NME7: variants seen among roughly 807,000 people sequenced by gnomAD.
NME7 encodes nucleoside diphosphate kinase 7.
In NME7, 41 loss-of-function variants were observed where a neutral mutation model predicts 49.1. The ratio of observed to expected loss-of-function variants is 0.83; its 90% CI spans 0.65 to 1.08. NME7 has a LOEUF of 1.08. NME7 is among the 50% of genes least tolerant of loss of function. The probability of loss-of-function intolerance (pLI) is 0.00; values close to 1 mark genes in which losing one functional copy is unlikely to be tolerated. For synonymous variants in NME7, 139 were observed against 150.6 expected, an observed-to-expected ratio of 0.92 and a Z score of 0.56; for missense variants, 423 against 463.4, an observed-to-expected ratio of 0.91 and a Z score of 0.80.
intron 10 of NME7, among the ~76,000 whole-genome samples, chr1:169,206,102 C>T (rs1204814160): frequency 2.0e-5 from 3 of 151,990 alleles, no homozygotes; most frequent in Non-Finnish European, 2.9e-5. Flanking sequence ...ACCCTATTTC[C>T]CTCCCCTGCT....
In NME7 at chr1:169,340,129, C is replaced by T. The variant is rs143884459; in HGVS notation, c.4-15629G>A. Among the ~76,000 whole-genome samples the T allele has an allele frequency of 4.9e-3, 742 of 152,320 alleles. 3 individuals carry two copies. Among genetic ancestry groups the T allele is most frequent in the Non-Finnish European group, 7.7e-3 (527 of 68,042 alleles). On this transcript the variant is annotated intron_variant, in intron 1 of 11. Transcript: ENST00000367811. ...CCATTTGAGTATTGACATGGTTTGG[C>T]TCTGGGTCCCCAGCCAAATCTCCTC...
intron 10 of NME7, among the ~76,000 whole-genome samples, chr1:169,183,654 T>C (rs1659988520): frequency 6.6e-6 from 1 of 151,928 alleles, no homozygotes; most frequent in South Asian, 2.1e-4. Context: ...ACAAAAAAAT[T>C]AGCCGGGCAT....
chr1:169,272,680 A>G lies in NME7; in HGVS notation c.754+14623T>C. On this transcript the variant is annotated intron_variant, in intron 7 of 11. Coordinates refer to ENST00000367811, the MANE Select transcript of NME7 (RefSeq NM_013330.5). The stretch of plus-strand genomic sequence containing the variant: ...ATCATGTATATGTACCACATTTTCT[A>G]TATCCAGTCTATCATTGATGGGCAT... Among the ~76,000 whole-genome samples, 2 of 132,454 alleles carry G rather than the reference A, an allele frequency of 1.5e-5. 1 individual carries two copies. The highest frequency in any genetic ancestry group is 3.5e-5 in the Non-Finnish European group (2 of 56,460). The allele number at this position is 132,454 out of a possible 152,430, so 86.9% of individuals were successfully genotyped here.
chr1:169,256,501 T>C (rs12725542), intron 7 of NME7, among the ~76,000 whole-genome samples: 10,828 of 132,182 alleles, frequency 0.082, 2,893 homozygotes, highest in East Asian at 0.75. Context: ...TCTTTGCCTT[T>C]GGTTTGAATG....
chr1:169,152,936 C>G (rs1018763377), intron 11 of NME7, among the ~76,000 whole-genome samples: 1 of 152,106 alleles, frequency 6.6e-6, no homozygotes, highest in African/African-American at 2.4e-5. Context: ...CCAGCATTTA[C>G]AGCAAACATC....
Position 169,187,564 on chromosome 1 carries a change from C to T in NME7, c.991-18010G>A, listed in dbSNP as rs192533683. ...TCTGTTTTATCAGAGACTAGGATTG[C>T]GAACCCTGCTTTTTTATTTTTTTCT... On this transcript the variant is annotated intron_variant, in intron 10 of 11. Transcript: ENST00000367811. 1.6e-3 allele frequency among the ~76,000 whole-genome samples: 250 copies of T among 152,018 alleles called. 1 individual carries two copies. The highest frequency in any genetic ancestry group is 2.0e-3 in the Non-Finnish European group (133 of 67,956).
At chr1:169,181,377 ACACAC>A (rs372228914) in intron 10 of NME7, among the ~76,000 whole-genome samples, 17,114 of 151,268 alleles carry the variant, frequency 0.11, 2,179 homozygotes, top group East Asian at 0.73. Flanking sequence ...ACACACACAC[ACACAC>A]ACACACACAC....
intron 6 of NME7, among the ~76,000 whole-genome samples, chr1:169,289,478 T>C (rs1045713971): frequency 1.1e-4 from 17 of 152,076 alleles, no homozygotes; most frequent in African/African-American, 4.1e-4. Flanking sequence ...AAAGCTTAAG[T>C]AACAAGCCCT....
chr1:169,143,273 C>CTTTTTTTTTT (rs71299493), intron 11 of NME7, among the ~76,000 whole-genome samples: 3 of 98,172 alleles, frequency 3.1e-5, no homozygotes, highest in Non-Finnish European at 4.2e-5. Flanking sequence ...TCACCTCAGG[C>CTTTTTTTTTT]TTTTTTTTTT....
chr1:169,227,068 G>A (rs146774187), intron 10 of NME7, among the ~76,000 whole-genome samples: 62 of 152,226 alleles, frequency 4.1e-4, no homozygotes, highest in African/African-American at 1.4e-3. Flanking sequence ...ACCCAGGAGT[G>A]AGCCTTGCAC....
intron 7 of NME7, among the ~76,000 whole-genome samples, chr1:169,266,005 C>T (rs977346353): frequency 5.3e-5 from 7 of 131,898 alleles, no homozygotes; most frequent in African/African-American, 1.3e-4. Flanking sequence ...CAGGACCAGA[C>T]GGATTCATAG....
intron 10 of NME7, among the ~76,000 whole-genome samples, chr1:169,180,950 T>C (rs1288146625): frequency 6.6e-6 from 1 of 152,106 alleles, no homozygotes; most frequent in Non-Finnish European, 1.5e-5. Flanking sequence ...TAGAGAATAG[T>C]AGCTCTCTCC....
chr1:169,145,362 T>C (rs1275620533), intron 11 of NME7, among the ~76,000 whole-genome samples: 1 of 152,202 alleles, frequency 6.6e-6, no homozygotes, highest in Non-Finnish European at 1.5e-5. Flanking sequence ...TTTCACAGTG[T>C]GATTGGGTAG....
At chr1:169,163,015 A>G (rs2101835949) in intron 11 of NME7, among the ~76,000 whole-genome samples, 1 of 152,342 alleles carries the variant, frequency 6.6e-6, no homozygotes, top group Admixed American at 6.5e-5. Context: ...AATCAGAAAA[A>G]GAAGGTCCTT....
chr1:169,195,051 T>G (rs548731302), intron 10 of NME7, among the ~76,000 whole-genome samples: 2 of 138,272 alleles, frequency 1.4e-5, no homozygotes, highest in Non-Finnish European at 3.2e-5. Flanking sequence ...TCTTAAATGC[T>G]TTAAGGGCAT....
chr1:169,308,313 T>C (rs906250901), intron 4 of NME7, among the ~76,000 whole-genome samples: 2 of 152,208 alleles, frequency 1.3e-5, no homozygotes, highest in African/African-American at 4.8e-5. Flanking sequence ...CCATTGTCCC[T>C]GCTCTCACAG....
chr1:169,219,835 A>G (rs1661087843), intron 10 of NME7, among the ~76,000 whole-genome samples: 1 of 152,230 alleles, frequency 6.6e-6, no homozygotes. Context: ...TAAATGCCTG[A>G]ATTTATGAAT....
intron 9 of NME7, among the ~76,000 whole-genome samples, chr1:169,232,385 AAT>A (rs1180311459): frequency 2.0e-5 from 3 of 152,158 alleles, no homozygotes; most frequent in Non-Finnish European, 4.4e-5. Context: ...GATAAACATA[AAT>A]ATATTTTTTA....
chr1:169,168,638 G>C (rs1377517325), intron 11 of NME7, among the ~76,000 whole-genome samples: 1 of 152,134 alleles, frequency 6.6e-6, no homozygotes, highest in Non-Finnish European at 1.5e-5. Flanking sequence ...CCCTTAAACA[G>C]TGTGGAGGTA....
Sources: gnomAD v4.1 joint callset for allele counts (sites outside exome capture counted in the v4.1 genomes callset) on GRCh38, gnomAD v4.1.1 for gene constraint, MANE v1.5 for transcripts, NCBI Gene and HGNC (gene_info 2026-07-23, HGNC 2026-07-21) for gene names.